The following BNIP3 variants were observed in gnomAD, a reference collection of about 807,000 sequenced individuals.
The protein encoded by BNIP3 is BCL2/adenovirus E1B 19 kDa protein-interacting protein 3.
A neutral mutation model predicts 23.9 loss-of-function variants in BNIP3; 16 were observed. That is an observed-to-expected ratio of 0.67 (90% CI 0.45 to 1.01). The LOEUF is 1.01. BNIP3 is among the 50% of genes least tolerant of loss of function. The pLI, the probability that BNIP3 is intolerant of heterozygous loss-of-function variation, is 0.00. For missense variants in BNIP3, 198 were observed against 248.7 expected, an observed-to-expected ratio of 0.80 and a Z score of 1.37; for synonymous variants, 81 against 89.3, an observed-to-expected ratio of 0.91 and a Z score of 0.53.
rs2036991422 is a variant in BNIP3, at chr10:131,968,523, A to G, written c.*1T>C. 11 of 1,595,420 alleles carry G rather than the reference A, an allele frequency of 6.9e-6. No homozygotes were observed. The highest frequency in any genetic ancestry group is 8.6e-6 in the Non-Finnish European group (10 of 1,163,538). On this transcript the variant is annotated 3_prime_UTR_variant, in exon 6 of 6. Coordinates refer to ENST00000368636, the MANE Select transcript of BNIP3 (RefSeq NM_004052.4). ...GAACCAAGTCAGACTCCAGTTCTTC[A>G]TCAAAAGGTGCTGGTGGAGGTTGTC...
At chr10:131,981,402 G>A (rs1361450634) in intron 1 of BNIP3, 3 of 342,834 alleles carry the variant, frequency 8.8e-6, no homozygotes, top group East Asian at 4.5e-5. Flanking sequence ...GACCGCGGAG[G>A]GCAACGTGGA....
chr10:131,978,069 T>C (rs148247952), intron 1 of BNIP3, among the ~76,000 whole-genome samples: 105 of 152,260 alleles, frequency 6.9e-4, no homozygotes, highest in Admixed American at 1.8e-3. Flanking sequence ...ACACTTCAAA[T>C]CACTGTAGTA....
In BNIP3 at chr10:131,967,990, T is replaced by C. The variant is rs1589974322; in HGVS notation, c.*534A>G. 6.5e-6 allele frequency: 1 copy of C among 152,724 alleles called. No homozygotes were observed. Among genetic ancestry groups the C allele is most frequent in the African/African-American group, 2.4e-5 (1 of 41,476 alleles). 9.5% of individuals were successfully genotyped at this position (152,724 alleles called of 1,614,324 possible). On this transcript the variant is annotated 3_prime_UTR_variant, in exon 6 of 6. Coordinates refer to ENST00000368636, the MANE Select transcript of BNIP3 (RefSeq NM_004052.4). ...GTAGCTCTATCTTGGTTTCTGTTGA[T>C]TATGAACAATTAGCATAGTTATATA...
At chr10:131,971,813 C>T (rs1381392355) in intron 3 of BNIP3, among the ~76,000 whole-genome samples, 2 of 152,196 alleles carry the variant, frequency 1.3e-5, no homozygotes, top group Admixed American at 6.5e-5. Context: ...CTGGGGCTCC[C>T]GAAATCATGC....
chr10:131,973,990 C>T (rs1436956205), intron 1 of BNIP3, 47 bp from the exon 2 acceptor site: 10 of 1,608,220 alleles, frequency 6.2e-6, no homozygotes, highest in Non-Finnish European at 8.5e-6. Flanking sequence ...TCTACCCACT[C>T]TGGAATCTGC....
At chr10:131,981,716 C>A in intron 1 of BNIP3, 45 bp downstream of exon 1, 1 of 1,402,030 alleles carries the variant, frequency 7.1e-7, no homozygotes, top group Non-Finnish European at 9.4e-7. Flanking sequence ...CCCCAGGCTT[C>A]CCCCCCGCGC....
intron 2 of BNIP3, chr10:131,973,519 G>GT (rs2037057760): frequency 1.9e-6 from 1 of 516,544 alleles, no homozygotes; most frequent in East Asian, 3.2e-5. Flanking sequence ...GCTGAGGCGC[G>GT]TGAGTGCGTT....
rs2133692761 is a variant in BNIP3 at position 131,973,127 on chromosome 10, T to A, written c.198-9A>T. 6.2e-7 allele frequency: 1 copy of A among 1,612,860 alleles called. No individual in the cohort carries two copies. The highest frequency in any genetic ancestry group is 8.5e-7 in the Non-Finnish European group (1 of 1,178,932). On this transcript the variant is annotated splice_polypyrimidine_tract_variant and intron_variant, in intron 2 of 5. Transcript: ENST00000368636. ...TCTGCGAGCGAGGTGGGCTTGGCGA[T>A]GTGAATAGAATGGGAAAAACAGAAC...
intron 1 of BNIP3, among the ~76,000 whole-genome samples, chr10:131,981,532 C>A (rs1387754869): frequency 6.6e-6 from 1 of 152,228 alleles, no homozygotes; most frequent in Non-Finnish European, 1.5e-5. Flanking sequence ...CAAGCCAACC[C>A]CCGCCCGAGT....
At chr10:131,968,712 A>C (rs2036993365) in intron 5 of BNIP3, 143 bp from the exon 6 acceptor site, 1 of 617,932 alleles carries the variant, frequency 1.6e-6, no homozygotes, top group Admixed American at 2.7e-5. Context: ...TTTTGTAATG[A>C]ATCTATCTGT....
rs2037078919 is a variant in BNIP3, at chr10:131,976,524, T to TA, written c.47-2582dup. On this transcript the variant is annotated intron_variant, in intron 1 of 5. Transcript: ENST00000368636. The surrounding 1 kb of genome is among the most constrained non-coding windows in gnomAD (Gnocchi z 4.3). The stretch of plus-strand genomic sequence containing the variant: ...ACAGAACTCAGAAAAACTCTTTACT[T>TA]ACATTTATCAGTTTACCAGAAACAA... Among the ~76,000 whole-genome samples, 1 of 152,302 alleles carries TA rather than the reference T, an allele frequency of 6.6e-6. No homozygotes were observed. Among genetic ancestry groups the TA allele is most frequent in the Admixed American group, 6.5e-5 (1 of 15,302 alleles).
Position 131,976,597 on chromosome 10 carries a change from A to G in BNIP3, c.47-2654T>C, listed in dbSNP as rs1475406605. 2.0e-5 allele frequency among the ~76,000 whole-genome samples: 3 copies of G among 151,796 alleles called. No individual in the cohort carries two copies. The South Asian group carries it at 6.3e-4, about 32-fold the overall frequency. On this transcript the variant is annotated intron_variant, in intron 1 of 5. Coordinates refer to ENST00000368636, the MANE Select transcript of BNIP3 (RefSeq NM_004052.4). The surrounding 1 kb of genome is among the most constrained non-coding windows in gnomAD (Gnocchi z 4.3). Reference sequence around the variant, plus strand: ...TGACATACAGCCCAGATCCCCACCTACCCCACACGTCCCAACCCTAACCCC... The same window carrying G: ...TGACATACAGCCCAGATCCCCACCTGCCCCACACGTCCCAACCCTAACCCC...
At chr10:131,981,512 G>A (rs964340744) in intron 1 of BNIP3, among the ~76,000 whole-genome samples, 3 of 152,216 alleles carry the variant, frequency 2.0e-5, no homozygotes, top group African/African-American at 4.8e-5. Context: ...CGTGCGGTCC[G>A]ACCCGGGTCC....
At chr10:131,974,450 C>T (rs1490654447) in intron 1 of BNIP3, among the ~76,000 whole-genome samples, 4 of 152,204 alleles carry the variant, frequency 2.6e-5, no homozygotes, top group African/African-American at 7.2e-5. Context: ...TGCAGTGGCA[C>T]GATGAAGGCT....
chr10:131,971,347 A>G, intron 3 of BNIP3: 1 of 248,408 alleles, frequency 4.0e-6, no homozygotes. Context: ...AAGAAAATGA[A>G]AACAGCCGAA....
intron 2 of BNIP3, 163 bp downstream of exon 2, chr10:131,973,630 G>A: frequency 1.1e-6 from 1 of 898,106 alleles, no homozygotes. Context: ...AAGAGGGCGA[G>A]GCTCCTATAT....
intron 2 of BNIP3, chr10:131,973,509 G>T: frequency 2.0e-6 from 1 of 503,538 alleles, no homozygotes; most frequent in East Asian, 3.4e-5. Flanking sequence ...CCACAGCCCC[G>T]CTGAGGCGCG....
intron 1 of BNIP3, among the ~76,000 whole-genome samples, chr10:131,975,829 C>T (rs923008384): frequency 6.6e-5 from 10 of 152,200 alleles, no homozygotes; most frequent in African/African-American, 1.2e-4. Context: ...TGGCCTCTCA[C>T]GTTGCCTCAT....
intron 1 of BNIP3, 63 bp from the exon 2 acceptor site, chr10:131,974,006 A>C: frequency 6.3e-7 from 1 of 1,593,492 alleles, no homozygotes; most frequent in Non-Finnish European, 8.6e-7. Flanking sequence ...TCTGCTCTTG[A>C]TATCTAACCA....
Sources: allele counts gnomAD v4.1 joint callset (sites outside exome capture counted in the v4.1 genomes callset), GRCh38; gene constraint gnomAD v4.1.1; non-coding constraint Gnocchi (gnomAD v3.1); transcripts MANE v1.5; gene names NCBI Gene and HGNC (gene_info 2026-07-23, HGNC 2026-07-21).